Variants in PRKAG2 observed in about 807,000 individuals in gnomAD.
PRKAG2 encodes the protein 5'-AMP-activated protein kinase subunit gamma-2.
Under a neutral mutation model 69.6 loss-of-function variants are expected in PRKAG2, and 26 were observed. That is an observed-to-expected ratio of 0.37 (90% CI 0.27 to 0.52). The LOEUF (loss-of-function observed/expected upper bound fraction) is 0.52. Among genes scored for constraint, PRKAG2 ranks in the 20% least tolerant of loss-of-function variants. PRKAG2 has a pLI of 0.90. For synonymous variants in PRKAG2, 293 were observed against 285.0 expected (o/e 1.03, Z -0.28); for missense variants, 557 against 740.0 (o/e 0.75, Z 2.87).
At chr7:151,758,576 T>G (rs769640986) in intron 3 of PRKAG2, among the ~76,000 whole-genome samples, 1 of 152,166 alleles carries the variant, frequency 6.6e-6, no homozygotes, top group African/African-American at 2.4e-5. Flanking sequence ...AGCAGGGAGA[T>G]CCAAGGTCCC....
intron 7 of PRKAG2, 98 bp downstream of exon 7, chr7:151,576,273 T>C: frequency 1.8e-6 from 2 of 1,111,852 alleles, no homozygotes; most frequent in Non-Finnish European, 2.7e-6. Flanking sequence ...GAAACATGTT[T>C]ACTAGGTTGA....
rs1421160665 is a variant in PRKAG2 at position 151,781,408 on chromosome 7, G to T, written c.210C>A (p.Gly70=). Residue 70 remains glycine (G), a synonymous_variant, in exon 3 of 16, where the codon GGC becomes GGA. Transcript: ENST00000287878. This position sits in a 1 kb window ranked among gnomAD's most constrained non-coding sequence, Gnocchi z 6.1. ...TGGAGAAGAACCCTTTGGAGGGGCT[G>T]CCCGGGCCGAAGGGGCTGTCCACCT... ...SRKVDSPFGP[G]SPSKGFFSRG... is the part of the protein sequence containing the mutation. 3 of 1,609,884 alleles carry T rather than the reference G, an allele frequency of 1.9e-6. No individual in the cohort carries two copies. The highest frequency in any genetic ancestry group is 1.7e-5 in the Admixed American group (1 of 59,468).
At chr7:151,874,510 T>TATG (rs1304875340) in intron 1 of PRKAG2, among the ~76,000 whole-genome samples, 1 of 111,076 alleles carries the variant, frequency 9.0e-6, no homozygotes, top group African/African-American at 4.1e-5. Flanking sequence ...ATATGATGTA[T>TATG]ATGTATATGT....
At chr7:151,764,043 A>T (rs2075591498) in intron 3 of PRKAG2, among the ~76,000 whole-genome samples, 1 of 152,192 alleles carries the variant, frequency 6.6e-6, no homozygotes. Context: ...ACCAAGTTAG[A>T]CAGGGCTGGG....
chr7:151,675,262 T>G, intron 4 of PRKAG2, 158 bp downstream of exon 4: 1 of 806,378 alleles, frequency 1.2e-6, no homozygotes, highest in East Asian at 2.7e-5. Flanking sequence ...CCTCACCATT[T>G]CTCCCTCAGC....
At chr7:151,578,847 C>A (rs1809655346) in intron 6 of PRKAG2, among the ~76,000 whole-genome samples, 1 of 151,974 alleles carries the variant, frequency 6.6e-6, no homozygotes, top group Non-Finnish European at 1.5e-5. Context: ...CTATTTGTAC[C>A]CTGGGCATCT....
At chr7:151,671,612 C>T (rs1195809986) in intron 4 of PRKAG2, among the ~76,000 whole-genome samples, 1 of 152,260 alleles carries the variant, frequency 6.6e-6, no homozygotes, top group Non-Finnish European at 1.5e-5. Flanking sequence ...GAATAGCGTC[C>T]TCTGAAAAGA....
In PRKAG2 at chr7:151,807,425, T is replaced by C. The variant is rs1219066891; in HGVS notation, c.115-20884A>G. 1 of 457,876 alleles carries C rather than the reference T, an allele frequency of 2.2e-6. No individual in the cohort carries two copies. Among genetic ancestry groups the C allele is most frequent in the South Asian group, 1.5e-5 (1 of 64,570 alleles). The allele number at this position is 457,876 out of a possible 1,614,324, so 28.4% of individuals were successfully genotyped here. On this transcript the variant is annotated intron_variant, in intron 1 of 15. Transcript: ENST00000287878. This position sits in a 1 kb window ranked among gnomAD's most constrained non-coding sequence, Gnocchi z 4.4. Reference sequence around the variant, plus strand: ...TGCTGTGGGTGACGGTCATACTTTATTCTCTAAAACTCTCCAGTTTCAATT... The same window carrying C: ...TGCTGTGGGTGACGGTCATACTTTACTCTCTAAAACTCTCCAGTTTCAATT...
intron 1 of PRKAG2, among the ~76,000 whole-genome samples, chr7:151,811,095 C>T (rs1563716987): frequency 6.6e-6 from 1 of 152,212 alleles, no homozygotes; most frequent in Non-Finnish European, 1.5e-5. Context: ...CTGCAGAACC[C>T]ACAGCCCTCT....
At chr7:151,604,120 T>G (rs969201640) in intron 5 of PRKAG2, among the ~76,000 whole-genome samples, 1 of 152,124 alleles carries the variant, frequency 6.6e-6, no homozygotes, top group African/African-American at 2.4e-5. Flanking sequence ...CAGCACTGCC[T>G]TCACACACAG....
At chr7:151,804,430 C>T (rs111624277) in intron 1 of PRKAG2, among the ~76,000 whole-genome samples, 2 of 152,140 alleles carry the variant, frequency 1.3e-5, no homozygotes, top group African/African-American at 2.4e-5. Context: ...CAACAGATCT[C>T]GTGAGAACTC....
chr7:151,851,296 G>C (rs2151895785), intron 1 of PRKAG2, among the ~76,000 whole-genome samples: 1 of 151,096 alleles, frequency 6.6e-6, no homozygotes, highest in South Asian at 2.1e-4. Flanking sequence ...ATTTTGCTAA[G>C]AACGGGTTTT....
At position 151,837,924 on chromosome 7, in the gene PRKAG2, G is replaced by A. The variant is rs191845753; in HGVS notation, c.114+38583C>T. On this transcript the variant is annotated intron_variant, in intron 1 of 15. Coordinates refer to ENST00000287878, the MANE Select transcript of PRKAG2 (RefSeq NM_016203.4). ...TCTGAGCAGACAGTCACTCCTGTGG[G>A]CAGCGCTGGCTGGAAAGGACACTGG... Among the ~76,000 whole-genome samples, 876 of 152,280 alleles carry A rather than the reference G, an allele frequency of 5.8e-3. 7 individuals are homozygous for A. Among genetic ancestry groups the A allele is most frequent in the African/African-American group, 0.02 (842 of 41,550 alleles).
chr7:151,860,084 C>T (rs998914376), intron 1 of PRKAG2, among the ~76,000 whole-genome samples: 2 of 152,208 alleles, frequency 1.3e-5, no homozygotes, highest in Non-Finnish European at 2.9e-5. Context: ...ATGCTGGACC[C>T]GGAGGGGCCC....
At chr7:151,865,876 T>C (rs994295137) in intron 1 of PRKAG2, among the ~76,000 whole-genome samples, 9 of 151,820 alleles carry the variant, frequency 5.9e-5, no homozygotes, top group South Asian at 4.2e-4. Context: ...AAAAATTAGC[T>C]GGGTGTGGTG....
At chr7:151,666,650 C>T (rs1020209451) in intron 4 of PRKAG2, among the ~76,000 whole-genome samples, 10 of 152,140 alleles carry the variant, frequency 6.6e-5, no homozygotes, top group African/African-American at 2.4e-4. Flanking sequence ...TTGACTGGGG[C>T]TGGATGATCC....
Position 151,874,005 on chromosome 7 carries a change from TGTATAA to T in PRKAG2, c.114+2496_114+2501del, listed in dbSNP as rs199849310. Among the ~76,000 whole-genome samples the T allele has an allele frequency of 3.0e-3, 452 of 148,344 alleles. 1 individual carries two copies. The highest frequency in any genetic ancestry group is 4.6e-3 in the Non-Finnish European group (310 of 67,442). ...TATATGTATATGTATATGATGTATA[TGTATAA>T]GTATATGTATATGATGTATATGTAT... On this transcript the variant is annotated intron_variant, in intron 1 of 15. Coordinates refer to ENST00000287878, the MANE Select transcript of PRKAG2 (RefSeq NM_016203.4).
At chr7:151,709,818 ATG>A (rs1209695212) in intron 3 of PRKAG2, among the ~76,000 whole-genome samples, 2 of 152,046 alleles carry the variant, frequency 1.3e-5, no homozygotes, top group African/African-American at 4.8e-5. Context: ...ATTGACAGTG[ATG>A]TGTGATGCTG....
chr7:151,654,174 T>G (rs887510027), intron 4 of PRKAG2, among the ~76,000 whole-genome samples: 8 of 152,316 alleles, frequency 5.3e-5, no homozygotes, highest in African/African-American at 1.9e-4. Flanking sequence ...ATCATAGATA[T>G]GCCAACCAGG....
Sources: allele counts gnomAD v4.1 joint callset (sites outside exome capture counted in the v4.1 genomes callset), GRCh38; gene constraint gnomAD v4.1.1; non-coding constraint Gnocchi (gnomAD v3.1); transcripts MANE v1.5; gene names NCBI Gene and HGNC (gene_info 2026-07-23, HGNC 2026-07-21).